The following SULF1 variants were observed in gnomAD, a reference collection of about 807,000 sequenced individuals.
SULF1 encodes the protein extracellular sulfatase Sulf-1.
Under a neutral mutation model 110.5 loss-of-function variants are expected in SULF1, and 46 were observed. That is an observed-to-expected ratio of 0.42 (90% confidence interval 0.33 to 0.53). The LOEUF is 0.53. Ranked by LOEUF, SULF1 falls within the 20% of genes least tolerant of loss-of-function variation. The probability of loss-of-function intolerance (pLI) is 0.12; values close to 1 mark genes in which losing one functional copy is unlikely to be tolerated. For synonymous variants in SULF1, 371 were observed against 387.1 expected, an observed-to-expected ratio of 0.96 and a Z score of 0.49; for missense variants, 941 against 1,094.2, an observed-to-expected ratio of 0.86 and a Z score of 1.98.
At chr8:69,616,556 C>T (rs1032836133) in intron 13 of SULF1, among the ~76,000 whole-genome samples, 2 of 151,942 alleles carry the variant, frequency 1.3e-5, no homozygotes, top group African/African-American at 4.8e-5. Context: ...CGTGTGCCAC[C>T]ATGCCCAGCT....
Position 69,588,916 on chromosome 8 carries a change from G to A in SULF1, c.565-56G>A, listed in dbSNP as rs561393466. 1.4e-4 allele frequency: 212 copies of A among 1,545,854 alleles called. 4 individuals carry two copies. The South Asian group carries it at 2.3e-3, about 17-fold the overall frequency. On this transcript the variant is annotated intron_variant, in intron 7 of 22. Transcript: ENST00000402687. ...CTGAGGAAAGCAGTTATTCAAATGCGATCTGATGAATGTCACCTTTTGTAA... is the reference window on the plus strand; with the variant it reads ...CTGAGGAAAGCAGTTATTCAAATGCAATCTGATGAATGTCACCTTTTGTAA...
intron 19 of SULF1, among the ~76,000 whole-genome samples, chr8:69,630,284 A>G (rs1294125256): frequency 1.3e-5 from 2 of 152,352 alleles, no homozygotes; most frequent in Admixed American, 6.5e-5. Flanking sequence ...GCCTGTGCAC[A>G]TTATTCACTG....
At chr8:69,645,914 A>G (rs1483106368) in intron 22 of SULF1, among the ~76,000 whole-genome samples, 1 of 151,766 alleles carries the variant, frequency 6.6e-6, no homozygotes, top group African/African-American at 2.4e-5. Flanking sequence ...ATTATTATTT[A>G]TATTAATTCT....
At chr8:69,488,231 T>G (rs1809781077), upstream of SULF1, among the ~76,000 whole-genome samples, 2 of 152,188 alleles carry the variant, frequency 1.3e-5, no homozygotes, top group Admixed American at 1.3e-4. Context: ...AAAAAAAAGA[T>G]CCGTCTATTA....
chr8:69,611,637 C>G (rs533373922), intron 13 of SULF1, among the ~76,000 whole-genome samples: 19 of 152,200 alleles, frequency 1.2e-4, no homozygotes, highest in African/African-American at 3.4e-4. Context: ...ATGCAGGTAA[C>G]TTTTTTATGA....
At chr8:69,504,394 A>G (rs930425246) in intron 3 of SULF1, among the ~76,000 whole-genome samples, 2 of 152,082 alleles carry the variant, frequency 1.3e-5, no homozygotes, top group African/African-American at 4.8e-5. Context: ...TCTCTACTAA[A>G]AATACAAAAA....
intron 3 of SULF1, among the ~76,000 whole-genome samples, chr8:69,525,694 TA>T (rs1273141998): frequency 7.2e-5 from 11 of 152,256 alleles, no homozygotes; most frequent in Middle Eastern, 3.4e-3. Context: ...TCTCAATAAT[TA>T]ATTCAACAAA....
chr8:69,629,957 C>T (rs1480419334), intron 19 of SULF1, among the ~76,000 whole-genome samples: 1 of 152,202 alleles, frequency 6.6e-6, no homozygotes, highest in South Asian at 2.1e-4. Context: ...ACAGTTTTTA[C>T]CCAGTAGAAC....
chr8:69,641,634 C>G (rs537645198), intron 22 of SULF1, among the ~76,000 whole-genome samples: 1 of 152,182 alleles, frequency 6.6e-6, no homozygotes, highest in Non-Finnish European at 1.5e-5. Flanking sequence ...TACTCAGCTA[C>G]TCAAGAAGCT....
chr8:69,578,079 A>G (rs137943457), intron 6 of SULF1, among the ~76,000 whole-genome samples: 34 of 152,018 alleles, frequency 2.2e-4, no homozygotes, highest in African/African-American at 7.2e-4. Flanking sequence ...CTAAGCATCC[A>G]GATGTTAAGA....
At chr8:69,508,842 T>C (rs1811368545) in intron 3 of SULF1, among the ~76,000 whole-genome samples, 1 of 152,092 alleles carries the variant, frequency 6.6e-6, no homozygotes, top group African/African-American at 2.4e-5. Flanking sequence ...ACAGTGGCCA[T>C]AGGAGAAAGG....
chr8:69,490,961 A>G (rs1016897127), upstream of SULF1, among the ~76,000 whole-genome samples: 10 of 152,202 alleles, frequency 6.6e-5, no homozygotes, highest in Admixed American at 6.5e-4. Context: ...AATTTGCAGT[A>G]AGATCGCTGT....
At chr8:69,477,866 G>GT (rs150378001) in intron 1 of SULF1, among the ~76,000 whole-genome samples, 3,240 of 150,632 alleles carry the variant, frequency 0.022, 112 homozygotes, top group African/African-American at 0.074. Context: ...ATTCTCCTTT[G>GT]TTTTTTTTTG....
chr8:69,515,603 C>G (rs1811873986), intron 3 of SULF1, among the ~76,000 whole-genome samples: 1 of 152,220 alleles, frequency 6.6e-6, no homozygotes, highest in African/African-American at 2.4e-5. Flanking sequence ...TGAATTCCTC[C>G]CCAGAAAATG....
intron 3 of SULF1, among the ~76,000 whole-genome samples, chr8:69,523,550 C>T (rs553603879): frequency 9.9e-5 from 15 of 152,034 alleles, no homozygotes; most frequent in African/African-American, 3.4e-4. Flanking sequence ...GGTGCAGATA[C>T]GGAGCAGCCA....
intron 7 of SULF1, among the ~76,000 whole-genome samples, chr8:69,588,394 G>A (rs896889736): frequency 2.6e-5 from 4 of 152,140 alleles, no homozygotes; most frequent in Admixed American, 2.0e-4. Flanking sequence ...CTGTGCTCCT[G>A]GATTTTGGCC....
chr8:69,595,115 A>G (rs946766768), intron 8 of SULF1, among the ~76,000 whole-genome samples: 8 of 152,244 alleles, frequency 5.3e-5, no homozygotes, highest in Admixed American at 4.6e-4. Context: ...TATGAATTTA[A>G]AAGACACCTA....
intron 9 of SULF1, among the ~76,000 whole-genome samples, chr8:69,600,971 G>C: frequency 6.6e-6 from 1 of 152,180 alleles, no homozygotes; most frequent in Non-Finnish European, 1.5e-5. Flanking sequence ...TATGGAGCCA[G>C]TAAAAAAGAG....
intron 3 of SULF1, among the ~76,000 whole-genome samples, chr8:69,504,246 A>G (rs1246431212): frequency 6.6e-6 from 1 of 151,520 alleles, no homozygotes. Flanking sequence ...AATACAAGTA[A>G]GTGTCTAGGC....
Sources: allele counts gnomAD v4.1 joint callset (sites outside exome capture counted in the v4.1 genomes callset), GRCh38; gene constraint gnomAD v4.1.1; transcripts MANE v1.5; gene names NCBI Gene and HGNC (gene_info 2026-07-23, HGNC 2026-07-21).